CDKL3: variants seen among roughly 807,000 people sequenced by gnomAD.
CDKL3 encodes cyclin dependent kinase like 3.
In CDKL3, 65 loss-of-function variants were observed where a neutral mutation model predicts 69.3. The observed-to-expected ratio is 0.94, with a 90% CI of 0.77 to 1.15. The LOEUF is 1.15. Among genes scored for constraint, CDKL3 ranks in the 50% most tolerant of loss-of-function variants. CDKL3 has a pLI of 0.00. For missense variants in CDKL3, 652 were observed against 689.2 expected, an observed-to-expected ratio of 0.95 and a Z score of 0.61; for synonymous variants, 202 against 221.6, an observed-to-expected ratio of 0.91 and a Z score of 0.79.
intron 8 of CDKL3, among the ~76,000 whole-genome samples, chr5:134,291,682 G>A (rs1479333979): frequency 6.6e-6 from 1 of 151,926 alleles, no homozygotes; most frequent in African/African-American, 2.4e-5. Flanking sequence ...GCTGAGACAG[G>A]AGAATCGCTT....
chr5:134,336,272 C>T (rs1777092607), intron 4 of CDKL3, among the ~76,000 whole-genome samples: 1 of 152,178 alleles, frequency 6.6e-6, no homozygotes, highest in African/African-American at 2.4e-5. Flanking sequence ...TTACAACATG[C>T]TCCTTTAGCT....
intron 1 of CDKL3, 61 bp downstream of exon 1, chr5:134,366,916 A>C (rs1757572730): frequency 1.0e-6 from 1 of 994,518 alleles, no homozygotes; most frequent in Admixed American, 6.1e-5. Context: ...ATCAGGCCCA[A>C]GGTCCTAAAA....
intron 11 of CDKL3, among the ~76,000 whole-genome samples, chr5:134,303,579 C>T (rs1173350794): frequency 6.6e-6 from 1 of 152,036 alleles, no homozygotes; most frequent in Non-Finnish European, 1.5e-5. Context: ...TGCAATGGCT[C>T]ACGCCTGTAA....
In CDKL3 at chr5:134,298,817, T is replaced by C. The variant is rs1447576717; in HGVS notation, c.1720-107A>G. 4 of 1,436,280 alleles carry C rather than the reference T, an allele frequency of 2.8e-6. No homozygotes were observed. In the African/African-American group the frequency reaches 5.7e-5, roughly 21 times the overall value. 89.0% of individuals were successfully genotyped at this position (1,436,280 alleles called of 1,614,324 possible). On this transcript the variant is annotated intron_variant, in intron 12 of 12. Coordinates refer to ENST00000265334, the MANE Select transcript of CDKL3 (RefSeq NM_001113575.2). The stretch of plus-strand genomic sequence containing the variant: ...AAATTACATGTAAATTACTAAATTA[T>C]AAACATGCTAGTCAAGCCAAAAGAT...
chr5:134,308,230 G>T lies in CDKL3; in HGVS notation c.1272C>A (p.Cys424Ter). ...NCNGLKENPH[C>*]GGSVTMPPIN... Reference sequence around the variant, plus strand: ...TGGGTGGCATTGTCACAGAACCTCCGCAATGTGGATTTTCTTTCAAGCCAT... The same window carrying T: ...TGGGTGGCATTGTCACAGAACCTCCTCAATGTGGATTTTCTTTCAAGCCAT... Residue 424 changes from cysteine to a stop codon, truncating the protein, a stop_gained, in exon 9 of 13, where the codon TGC (cysteine) becomes TGA (stop). Transcript: ENST00000265334. LOFTEE classifies it high-confidence loss of function. The T allele has an allele frequency of 6.2e-7, 1 of 1,613,882 alleles. No individual in the cohort carries two copies. The highest frequency in any genetic ancestry group is 8.5e-7 in the Non-Finnish European group (1 of 1,179,812).
At chr5:134,322,149 G>A (rs1291571872) in intron 4 of CDKL3, among the ~76,000 whole-genome samples, 1 of 152,126 alleles carries the variant, frequency 6.6e-6, no homozygotes, top group African/African-American at 2.4e-5. Context: ...AAGTAGCTGG[G>A]ATTAGAGGCG....
upstream of CDKL3, among the ~76,000 whole-genome samples, chr5:134,369,309 C>T (rs1051514827): frequency 1.2e-4 from 18 of 152,124 alleles, no homozygotes; most frequent in African/African-American, 3.9e-4. Context: ...TTATAAATCC[C>T]TGTAGTCTCT....
chr5:134,314,999 C>A lies in CDKL3; in HGVS notation c.793-2619G>T, dbSNP rs570658731. 1.4e-4 allele frequency among the ~76,000 whole-genome samples: 21 copies of A among 152,140 alleles called. No individual in the cohort carries two copies. In the East Asian group the frequency reaches 4.1e-3, roughly 29 times the overall value. The stretch of plus-strand genomic sequence containing the variant: ...TATAGTTTACTGCCCACAAATTATA[C>A]CTCAATAACATTGTTTAGAAAATTT... On this transcript the variant is annotated intron_variant, in intron 6 of 12. Coordinates refer to ENST00000265334, the MANE Select transcript of CDKL3 (RefSeq NM_001113575.2).
intron 3 of CDKL3, among the ~76,000 whole-genome samples, chr5:134,357,526 G>A (rs1581219432): frequency 6.6e-6 from 1 of 152,180 alleles, no homozygotes; most frequent in Non-Finnish European, 1.5e-5. Context: ...AGCTACTCAG[G>A]AGGGTGAAGC....
chr5:134,369,490 G>A (rs1316681772), upstream of CDKL3, among the ~76,000 whole-genome samples: 1 of 152,090 alleles, frequency 6.6e-6, no homozygotes, highest in East Asian at 1.9e-4. Flanking sequence ...AACCAGAAAG[G>A]GTTAACTTTT....
upstream of CDKL3, among the ~76,000 whole-genome samples, chr5:134,368,240 A>G (rs186825694): frequency 9.2e-5 from 14 of 152,300 alleles, no homozygotes; most frequent in East Asian, 9.6e-4. Flanking sequence ...AGTTTTTTCT[A>G]TGCTGCTAGG....
chr5:134,288,526 C>T (rs569071421), intron 8 of CDKL3, among the ~76,000 whole-genome samples: 1 of 152,186 alleles, frequency 6.6e-6, no homozygotes. Context: ...GTGACCAGTG[C>T]ACAGATACCC....
At position 134,361,613 on chromosome 5, in the gene CDKL3, T is replaced by C. The variant is rs116740733; in HGVS notation, c.166-1522A>G. Reference sequence around the variant, plus strand: ...AGCATATTGACAGCAGTGAAAAGAATTGACTGTTGGCTGGGCATGGTGGTG... The same window carrying C: ...AGCATATTGACAGCAGTGAAAAGAACTGACTGTTGGCTGGGCATGGTGGTG... On this transcript the variant is annotated intron_variant, in intron 2 of 12. Transcript: ENST00000265334. 6.0e-3 allele frequency among the ~76,000 whole-genome samples: 917 copies of C among 152,250 alleles called. 6 individuals are homozygous for C. Among genetic ancestry groups the C allele is most frequent in the African/African-American group, 0.02 (846 of 41,532 alleles).
intron 4 of CDKL3, among the ~76,000 whole-genome samples, chr5:134,339,143 C>T (rs1451465532): frequency 6.6e-6 from 1 of 151,898 alleles, no homozygotes; most frequent in Non-Finnish European, 1.5e-5. Context: ...GCCTGGGTGA[C>T]AGAGTGAGAC....
upstream of CDKL3, chr5:134,371,279 G>C: frequency 2.1e-6 from 1 of 484,842 alleles, no homozygotes; most frequent in East Asian, 4.0e-5. Flanking sequence ...CCTCTAGTCT[G>C]AACACAGAGA....
rs1585151 is a variant in CDKL3, at chr5:134,323,824, C to T, written c.540-1921G>A. 6.1e-3 allele frequency among the ~76,000 whole-genome samples: 934 copies of T among 152,150 alleles called. 7 individuals are homozygous for T. The highest frequency in any genetic ancestry group is 0.021 in the African/African-American group (868 of 41,536). On this transcript the variant is annotated intron_variant, in intron 4 of 12. Coordinates refer to ENST00000265334, the MANE Select transcript of CDKL3 (RefSeq NM_001113575.2). Reference sequence around the variant, plus strand: ...TGGTAATGAGTTTTTAGATACAACACCAAAAGTATAATTCACAAAAGAAAA... The same window carrying T: ...TGGTAATGAGTTTTTAGATACAACATCAAAAGTATAATTCACAAAAGAAAA...
chr5:134,308,573 C>A lies in CDKL3; in HGVS notation c.1035+1G>T. On this transcript the variant is annotated splice_donor_variant, in intron 8 of 12. Transcript: ENST00000265334. LOFTEE classifies it high-confidence loss of function. ...GCTGAAACAAAAACCAAAGTTCTTA[C>A]CTTTCCCAAAACTGAACTACTTAGC... is the stretch of plus-strand genomic sequence containing the variant. 6.3e-7 allele frequency: 1 copy of A among 1,575,466 alleles called. No individual in the cohort carries two copies. Among genetic ancestry groups the A allele is most frequent in the Non-Finnish European group, 8.6e-7 (1 of 1,168,880 alleles).
intron 3 of CDKL3, among the ~76,000 whole-genome samples, chr5:134,357,152 T>G (rs184298755): frequency 6.6e-6 from 1 of 152,122 alleles, no homozygotes; most frequent in Non-Finnish European, 1.5e-5. Flanking sequence ...ATTATTGTTT[T>G]AAGAAAATGT....
intron 4 of CDKL3, among the ~76,000 whole-genome samples, chr5:134,346,078 G>A (rs868598055): frequency 2.6e-5 from 4 of 152,108 alleles, no homozygotes; most frequent in Non-Finnish European, 5.9e-5. Context: ...CCCACCTCCA[G>A]AGCGATTAGA....
Sources: gnomAD v4.1 joint callset for allele counts (sites outside exome capture counted in the v4.1 genomes callset) on GRCh38, gnomAD v4.1.1 for gene constraint, MANE v1.5 for transcripts, NCBI Gene and HGNC (gene_info 2026-07-23, HGNC 2026-07-21) for gene names.